Variants in GOLM2 observed in about 807,000 individuals in gnomAD.
GOLM2 encodes the protein protein GOLM2.
GOLM2 carries 26 observed loss-of-function variants against 55.9 expected under a neutral mutation model. The ratio of observed to expected loss-of-function variants is 0.47; its 90% confidence interval spans 0.34 to 0.65. The LOEUF (loss-of-function observed/expected upper bound fraction) is 0.65. Ranked by LOEUF, GOLM2 falls within the 30% of genes least tolerant of loss-of-function variation. GOLM2 has a pLI of 0.01. For missense variants in GOLM2, 486 were observed against 531.8 expected, an observed-to-expected ratio of 0.91 and a Z score of 0.85; for synonymous variants, 165 against 194.6, an observed-to-expected ratio of 0.85 and a Z score of 1.27.
At chr15:44,308,295 C>T (rs1220122699) in intron 1 of GOLM2, 1 of 152,076 alleles carries the variant, frequency 6.6e-6, no homozygotes, top group African/African-American at 2.4e-5. Context: ...CTAGATACCT[C>T]ATATAGGAGG....
chr15:44,351,178 A>G (rs2079159970), intron 6 of GOLM2, among the ~76,000 whole-genome samples: 1 of 152,142 alleles, frequency 6.6e-6, no homozygotes, highest in African/African-American at 2.4e-5. Flanking sequence ...GAAAAGAGAA[A>G]GAAATAAAGG....
intron 2 of GOLM2, among the ~76,000 whole-genome samples, chr15:44,323,513 A>G (rs2078964518): frequency 6.6e-6 from 1 of 150,820 alleles, no homozygotes; most frequent in Non-Finnish European, 1.5e-5. Context: ...ATAAAAATAC[A>G]CACACATATT....
chr15:44,408,400 A>T (rs941438172), intron 9 of GOLM2, among the ~76,000 whole-genome samples: 1 of 152,192 alleles, frequency 6.6e-6, no homozygotes, highest in African/African-American at 2.4e-5. Flanking sequence ...AATTCTGAAA[A>T]CAATGTGAAG....
At chr15:44,332,342 A>T (rs1156432331) in intron 4 of GOLM2, among the ~76,000 whole-genome samples, 1 of 152,172 alleles carries the variant, frequency 6.6e-6, no homozygotes, top group African/African-American at 2.4e-5. Context: ...GGCTCACTCG[A>T]GGTCAGGAGT....
chr15:44,298,756 G>A (rs2078776050), intron 1 of GOLM2, among the ~76,000 whole-genome samples: 1 of 152,164 alleles, frequency 6.6e-6, no homozygotes, highest in African/African-American at 2.4e-5. Flanking sequence ...TCTTAGTGCT[G>A]TTACAAAATG....
chr15:44,313,286 C>T (rs1419204340), intron 1 of GOLM2, among the ~76,000 whole-genome samples: 1 of 152,134 alleles, frequency 6.6e-6, no homozygotes, highest in Non-Finnish European at 1.5e-5. Context: ...CTTCCCCTTT[C>T]CAGGAAAATT....
intron 6 of GOLM2, among the ~76,000 whole-genome samples, chr15:44,376,203 C>T (rs559815788): frequency 1.3e-5 from 2 of 152,326 alleles, no homozygotes; most frequent in East Asian, 3.9e-4. Flanking sequence ...CATTGCACTC[C>T]AGCCTGGGCA....
At chr15:44,324,268 A>G (rs1213960474) in intron 2 of GOLM2, among the ~76,000 whole-genome samples, 2 of 152,238 alleles carry the variant, frequency 1.3e-5, no homozygotes, top group African/African-American at 4.8e-5. Context: ...TGTGTCAACA[A>G]AAATGACAAC....
At chr15:44,345,160 A>G (rs1180806310) in intron 6 of GOLM2, among the ~76,000 whole-genome samples, 1 of 151,472 alleles carries the variant, frequency 6.6e-6, no homozygotes, top group East Asian at 2.0e-4. Context: ...CCAAGGCTGG[A>G]GTGCAATGGT....
At chr15:44,304,230 CTTTTTTTTTT>C (rs895623812) in intron 1 of GOLM2, among the ~76,000 whole-genome samples, 19 of 82,872 alleles carry the variant, frequency 2.3e-4, no homozygotes, top group African/African-American at 7.5e-4. Context: ...GGCTCCACTT[CTTTTTTTTTT>C]TTTTTTTTTT....
At chr15:44,372,787 C>T (rs1747482981) in intron 6 of GOLM2, among the ~76,000 whole-genome samples, 1 of 152,126 alleles carries the variant, frequency 6.6e-6, no homozygotes, top group African/African-American at 2.4e-5. Flanking sequence ...AATATGGCCC[C>T]TTCTTTCCTG....
chr15:44,307,496 G>GC (rs2078847164), intron 1 of GOLM2: 1 of 152,240 alleles, frequency 6.6e-6, no homozygotes, highest in Non-Finnish European at 1.5e-5. Flanking sequence ...ACAGGCGTGA[G>GC]CCACCGTGTT....
intron 1 of GOLM2, among the ~76,000 whole-genome samples, chr15:44,322,621 C>T (rs563851873): frequency 2.6e-5 from 4 of 152,142 alleles, no homozygotes; most frequent in East Asian, 1.9e-4. Context: ...GTCATGTTTT[C>T]GTATACTTTT....
rs200044036 is a variant in GOLM2, at chr15:44,293,252, G to A, written c.327+3896G>A. 5.3e-5 allele frequency among the ~76,000 whole-genome samples: 8 copies of A among 152,184 alleles called. No homozygotes were observed. The East Asian group carries it at 9.6e-4, about 18-fold the overall frequency. Reference sequence around the variant, plus strand: ...ACAGTTTTAGATCTGGAAAATTATTGCAAAGATAGTACAGGGAGTTTTTAT... The same window carrying A: ...ACAGTTTTAGATCTGGAAAATTATTACAAAGATAGTACAGGGAGTTTTTAT... On this transcript the variant is annotated intron_variant, in intron 1 of 9. Transcript: ENST00000299957.
intron 6 of GOLM2, among the ~76,000 whole-genome samples, chr15:44,357,709 A>C (rs2079207121): frequency 6.6e-6 from 1 of 152,228 alleles, no homozygotes; most frequent in African/African-American, 2.4e-5. Context: ...AGGTTGCAGG[A>C]TATAAGGTTA....
intron 8 of GOLM2, among the ~76,000 whole-genome samples, chr15:44,382,386 G>A (rs2079409528): frequency 6.6e-6 from 1 of 151,976 alleles, no homozygotes; most frequent in Admixed American, 6.6e-5. Context: ...GAGTGCAGTG[G>A]TGCAATCTCA....
intron 1 of GOLM2, among the ~76,000 whole-genome samples, chr15:44,297,883 T>C (rs2078768618): frequency 1.4e-5 from 2 of 139,964 alleles, no homozygotes; most frequent in African/African-American, 2.7e-5. Context: ...TTTTTTTTTT[T>C]TTGAGATGGA....
intron 6 of GOLM2, among the ~76,000 whole-genome samples, chr15:44,372,813 A>G (rs2079336861): frequency 6.6e-6 from 1 of 151,934 alleles, no homozygotes; most frequent in African/African-American, 2.4e-5. Context: ...CTCATTTCTA[A>G]CACTTTTTCC....
intron 9 of GOLM2, among the ~76,000 whole-genome samples, chr15:44,412,735 G>C (rs1247366964): frequency 6.6e-6 from 1 of 152,130 alleles, no homozygotes; most frequent in Non-Finnish European, 1.5e-5. Context: ...GGGCACTGTG[G>C]CTCACGCCTG....
Sources: gnomAD v4.1 joint callset for allele counts (sites outside exome capture counted in the v4.1 genomes callset) on GRCh38, gnomAD v4.1.1 for gene constraint, MANE v1.5 for transcripts, NCBI Gene and HGNC (gene_info 2026-07-23, HGNC 2026-07-21) for gene names.